CMIP: variants seen among roughly 807,000 people sequenced by gnomAD.
The protein encoded by CMIP is c-Maf inducing protein.
A neutral mutation model predicts 97.3 loss-of-function variants in CMIP; 13 were observed. The ratio of observed to expected loss-of-function variants is 0.13; its 90% CI spans 0.09 to 0.21. The LOEUF (loss-of-function observed/expected upper bound fraction) is 0.21. CMIP is among the 10% of genes least tolerant of loss of function. CMIP has a pLI of 1.00. For missense variants in CMIP, 847 were observed against 1,024.9 expected, an observed-to-expected ratio of 0.83 and a Z score of 2.37; for synonymous variants, 538 against 436.3, an observed-to-expected ratio of 1.23 and a Z score of -2.91.
intron 3 of CMIP, among the ~76,000 whole-genome samples, chr16:81,633,623 C>T (rs778540923): frequency 3.2e-4 from 48 of 152,246 alleles, no homozygotes; most frequent in Admixed American, 6.5e-4. Context: ...GGTGCACTTT[C>T]AGAACCAACA....
intron 1 of CMIP, among the ~76,000 whole-genome samples, chr16:81,454,839 C>T (rs1371438426): frequency 6.6e-6 from 1 of 152,116 alleles, no homozygotes; most frequent in Non-Finnish European, 1.5e-5. Context: ...GGAAGGACTT[C>T]TTTGTAGGAG....
chr16:81,638,884 C>T (rs915903790), intron 3 of CMIP, among the ~76,000 whole-genome samples: 3 of 151,932 alleles, frequency 2.0e-5, no homozygotes, highest in Non-Finnish European at 4.4e-5. Flanking sequence ...TGTTCTAGTC[C>T]ATGAGGAAAT....
chr16:81,610,557 C>T (rs907939316), intron 2 of CMIP: 4 of 984,324 alleles, frequency 4.1e-6, no homozygotes, highest in Admixed American at 1.2e-4. Context: ...GCAGCCCCTG[C>T]CCCTGGCGGC....
At chr16:81,574,827 C>T (rs1278098665) in intron 1 of CMIP, among the ~76,000 whole-genome samples, 2 of 152,206 alleles carry the variant, frequency 1.3e-5, no homozygotes, top group Non-Finnish European at 2.9e-5. Context: ...AGCTGACTGT[C>T]AGAGCAGACC....
At chr16:81,450,901 C>G (rs953163320) in intron 1 of CMIP, among the ~76,000 whole-genome samples, 1 of 152,226 alleles carries the variant, frequency 6.6e-6, no homozygotes, top group African/African-American at 2.4e-5. Flanking sequence ...AGCACTGCTG[C>G]TCATTTCTTG....
chr16:81,694,951 T>G (rs1906535600), intron 13 of CMIP, among the ~76,000 whole-genome samples: 1 of 152,256 alleles, frequency 6.6e-6, no homozygotes, highest in Non-Finnish European at 1.5e-5. Flanking sequence ...CTTAAGTCTT[T>G]CCTTGCCACC....
chr16:81,656,203 G>A (rs778380423), intron 4 of CMIP, among the ~76,000 whole-genome samples: 3 of 152,186 alleles, frequency 2.0e-5, no homozygotes, highest in East Asian at 1.9e-4. Flanking sequence ...CTGGCTTCAC[G>A]GCCTCCCGCA....
intron 1 of CMIP, among the ~76,000 whole-genome samples, chr16:81,541,366 G>A (rs1350618099): frequency 6.6e-6 from 1 of 152,232 alleles, no homozygotes; most frequent in East Asian, 1.9e-4. Flanking sequence ...GTGTTTTGGA[G>A]ATGTGCACGG....
At position 81,711,606 on chromosome 16, in the gene CMIP, AAAAT is replaced by A. The variant is rs1416375017; in HGVS notation, c.*1811_*1814del. Reference sequence around the variant, plus strand: ...AATAAAAAAATAAATAAAAATAAAAAAAATAAAAAAGGAAAAAAAAAAAAGAAGA... The same window carrying A: ...AATAAAAAAATAAATAAAAATAAAAAAAAAAAGGAAAAAAAAAAAAGAAGA... On this transcript the variant is annotated 3_prime_UTR_variant, in exon 21 of 21. Coordinates refer to ENST00000537098, the MANE Select transcript of CMIP (RefSeq NM_198390.3). 1.5e-5 allele frequency: 1 copy of A among 67,738 alleles called. No individual in the cohort carries two copies. Among genetic ancestry groups the A allele is most frequent in the Non-Finnish European group, 3.1e-5 (1 of 31,912 alleles). The allele number at this position is 67,738 out of a possible 1,614,324, so 4.2% of individuals were successfully genotyped here.
At chr16:81,552,516 C>G (rs983020840) in intron 1 of CMIP, among the ~76,000 whole-genome samples, 41 of 152,140 alleles carry the variant, frequency 2.7e-4, no homozygotes, top group African/African-American at 9.9e-4. Context: ...TAGAGGCCAC[C>G]TGCATTCCTT....
chr16:81,699,398 T>C (rs1158283120), intron 14 of CMIP, among the ~76,000 whole-genome samples: 3 of 152,156 alleles, frequency 2.0e-5, no homozygotes, highest in Admixed American at 6.5e-5. Context: ...TTAAATCAGG[T>C]ACTACTAAAA....
chr16:81,525,545 T>A (rs1051338507), intron 1 of CMIP, among the ~76,000 whole-genome samples: 2 of 152,018 alleles, frequency 1.3e-5, no homozygotes, highest in East Asian at 1.9e-4. Context: ...AGAGACAGAG[T>A]ATGGCTATGT....
At position 81,636,618 on chromosome 16, in the gene CMIP, A is replaced by G. The variant is rs187473662; in HGVS notation, c.478-15585A>G. 7.8e-4 allele frequency among the ~76,000 whole-genome samples: 118 copies of G among 151,046 alleles called. 1 individual carries two copies. In the East Asian group the frequency reaches 0.014, roughly 18 times the overall value. ...AAAAAAAAAGTATGGCATTCTGACT[A>G]ATTTAAGAATCCTGGGGAAAGATAC... On this transcript the variant is annotated intron_variant, in intron 3 of 20. Coordinates refer to ENST00000537098, the MANE Select transcript of CMIP (RefSeq NM_198390.3).
At chr16:81,620,648 A>G in intron 2 of CMIP, 1 of 515,922 alleles carries the variant, frequency 1.9e-6, no homozygotes, top group African/African-American at 1.9e-5. Context: ...AAGGAAGCAC[A>G]CGGTGCTAGT....
intron 7 of CMIP, among the ~76,000 whole-genome samples, chr16:81,668,450 C>G (rs1441717356): frequency 6.6e-6 from 1 of 152,192 alleles, no homozygotes; most frequent in Non-Finnish European, 1.5e-5. Flanking sequence ...TGGGCGCCGA[C>G]TTCCTGCCTC....
At chr16:81,503,126 G>A (rs576682209) in intron 1 of CMIP, among the ~76,000 whole-genome samples, 3 of 152,286 alleles carry the variant, frequency 2.0e-5, no homozygotes, top group East Asian at 1.9e-4. Context: ...CCCGGAGTAC[G>A]GTGACCAGTT....
intron 1 of CMIP, among the ~76,000 whole-genome samples, chr16:81,489,546 A>T (rs1269761846): frequency 6.6e-6 from 1 of 152,136 alleles, no homozygotes; most frequent in Admixed American, 6.5e-5. Context: ...GGTCTGGAAG[A>T]CTTTACAAGT....
At chr16:81,523,711 C>A (rs1406172151) in intron 1 of CMIP, among the ~76,000 whole-genome samples, 1 of 152,252 alleles carries the variant, frequency 6.6e-6, no homozygotes, top group South Asian at 2.1e-4. Flanking sequence ...GTCTGGAGAG[C>A]ACCGTGCCTG....
intron 3 of CMIP, among the ~76,000 whole-genome samples, chr16:81,644,010 A>G (rs2092335525): frequency 6.6e-6 from 1 of 152,166 alleles, no homozygotes; most frequent in African/African-American, 2.4e-5. Flanking sequence ...GGGGCAAGAA[A>G]GGAATCCCAG....
Sources: allele counts gnomAD v4.1 joint callset (sites outside exome capture counted in the v4.1 genomes callset), GRCh38; gene constraint gnomAD v4.1.1; transcripts MANE v1.5; gene names NCBI Gene and HGNC (gene_info 2026-07-23, HGNC 2026-07-21).